SLC22A9: variants seen among roughly 807,000 people sequenced by gnomAD.
The protein encoded by SLC22A9 is organic anion transporter 7.
Under a neutral mutation model 50.1 loss-of-function variants are expected in SLC22A9, and 64 were observed. The ratio of observed to expected loss-of-function variants is 1.28; its 90% confidence interval spans 1.04 to 1.57. The LOEUF is 1.57. SLC22A9 is among the 40% of genes most tolerant of loss of function. The pLI, the probability that SLC22A9 is intolerant of heterozygous loss-of-function variation, is 0.00. For missense variants in SLC22A9, 757 were observed against 676.1 expected (o/e 1.12, Z -1.33); for synonymous variants, 261 against 242.5 (o/e 1.08, Z -0.71).
intron 6 of SLC22A9, among the ~76,000 whole-genome samples, chr11:63,383,109 T>G (rs2014595464): frequency 6.6e-6 from 1 of 152,076 alleles, no homozygotes; most frequent in Non-Finnish European, 1.5e-5. Flanking sequence ...GAATAGAAGG[T>G]GAGCACAAAG....
chr11:63,385,623 T>C (rs990730948), intron 6 of SLC22A9, among the ~76,000 whole-genome samples: 9 of 152,142 alleles, frequency 5.9e-5, no homozygotes, highest in Non-Finnish European at 4.4e-5. Flanking sequence ...GAAATGCTTG[T>C]GATTTCTGCA....
rs916267068 is a variant in SLC22A9 at position 63,371,151 on chromosome 11, A to G, written c.419A>G (p.Asp140Gly). The change falls in exon 2 of 10, where the codon GAC (aspartate) becomes GGC (glycine). Residue 140 changes from aspartate (D) to glycine (G), a missense_variant. Physicochemically the swap from Asp to Gly is moderately conservative, Grantham distance 94. Coordinates refer to ENST00000279178, the MANE Select transcript of SLC22A9 (RefSeq NM_080866.3). Reference protein sequence around the residue: ...TIVTEWDLVCDSQSLTSVAKF... With the variant: ...TIVTEWDLVCGSQSLTSVAKF... ...CTCTTCCAGTGGGATCTGGTATGTG[A>G]CTCTCAATCACTGACTTCAGTGGCT... The G allele has an allele frequency of 3.7e-6, 6 of 1,612,782 alleles. No individual in the cohort carries two copies. Among genetic ancestry groups the G allele is most frequent in the Non-Finnish European group, 5.1e-6 (6 of 1,179,226 alleles).
chr11:63,372,306 T>C (rs147109641), intron 2 of SLC22A9, among the ~76,000 whole-genome samples: 4 of 140,824 alleles, frequency 2.8e-5, no homozygotes, highest in Admixed American at 2.2e-4. Flanking sequence ...CTCAACTGTT[T>C]ATGATATCTT....
At chr11:63,385,941 G>A (rs11823459) in intron 6 of SLC22A9, among the ~76,000 whole-genome samples, 2,101 of 152,116 alleles carry the variant, frequency 0.014, 57 homozygotes, top group African/African-American at 0.047. Context: ...TGTCATAAAT[G>A]GCTCTTATAA....
chr11:63,379,658 C>A (rs2014525713), intron 5 of SLC22A9, among the ~76,000 whole-genome samples: 1 of 152,190 alleles, frequency 6.6e-6, no homozygotes, highest in Non-Finnish European at 1.5e-5. Flanking sequence ...CTATAAGGCA[C>A]ATGAACAAAT....
At chr11:63,391,149 A>T (rs1377569962) in intron 6 of SLC22A9, among the ~76,000 whole-genome samples, 1 of 151,784 alleles carries the variant, frequency 6.6e-6, no homozygotes, top group Non-Finnish European at 1.5e-5. Context: ...CTTGTTATTG[A>T]TTTCTAGTTG....
At chr11:63,381,959 T>C (rs2014570464) in intron 5 of SLC22A9, among the ~76,000 whole-genome samples, 200 bp from the exon 6 acceptor site, 1 of 152,154 alleles carries the variant, frequency 6.6e-6, no homozygotes, top group African/African-American at 2.4e-5. Flanking sequence ...CCTTGAAACA[T>C]AATTTCCTGG....
chr11:63,400,834 C>T (rs2014940229), intron 6 of SLC22A9, among the ~76,000 whole-genome samples: 1 of 152,084 alleles, frequency 6.6e-6, no homozygotes, highest in Non-Finnish European at 1.5e-5. Context: ...CCCAAGGATG[C>T]AAGAATGGTT....
At chr11:63,395,706 G>C (rs1276702323) in intron 6 of SLC22A9, among the ~76,000 whole-genome samples, 1 of 152,148 alleles carries the variant, frequency 6.6e-6, no homozygotes, top group Non-Finnish European at 1.5e-5. Flanking sequence ...CCTGGCTGGG[G>C]GTGGCACTTT....
In SLC22A9 at chr11:63,395,582, C is replaced by G. The variant is rs568167830; in HGVS notation, c.1074-10915C>G. Among the ~76,000 whole-genome samples the G allele has an allele frequency of 6.6e-5, 10 of 152,260 alleles. No homozygotes were observed. In the South Asian group the frequency reaches 1.9e-3, roughly 28 times the overall value. On this transcript the variant is annotated intron_variant, in intron 6 of 9. Coordinates refer to ENST00000279178, the MANE Select transcript of SLC22A9 (RefSeq NM_080866.3). ...TGTGATTTGAACTGTCTATTGGTCT[C>G]TCGGCCATGGATACCAGCACCTGTT...
chr11:63,382,078 A>G, intron 5 of SLC22A9, 81 bp from the exon 6 acceptor site: 1 of 929,872 alleles, frequency 1.1e-6, no homozygotes. Context: ...CTCACTTCTC[A>G]TCTGTGGGTT....
Position 63,406,581 on chromosome 11 carries a change from T to C in SLC22A9, c.1158T>C (p.Phe386=). The C allele has an allele frequency of 6.2e-7, 1 of 1,613,890 alleles. No individual in the cohort carries two copies. Among genetic ancestry groups the C allele is most frequent in the Non-Finnish European group, 8.5e-7 (1 of 1,179,842 alleles). ...GNNVFLLQTL[F]GAVILLANCV... is the part of the protein sequence containing the mutation. ...ATGTTTTCCTGTTGCAGACTCTCTT[T>C]GGTGCAGTCATCCTCCTGGCCAACT... The change falls in exon 7 of 10, where the codon TTT becomes TTC. Residue 386 remains phenylalanine, a synonymous_variant. Coordinates refer to ENST00000279178, the MANE Select transcript of SLC22A9 (RefSeq NM_080866.3).
chr11:63,401,491 TAGAA>T (rs1017795380), intron 6 of SLC22A9, among the ~76,000 whole-genome samples: 6 of 152,010 alleles, frequency 3.9e-5, no homozygotes, highest in African/African-American at 1.4e-4. Flanking sequence ...ATACAAAAAA[TAGAA>T]AGACATCCCA....
At chr11:63,383,786 C>G (rs537311774) in intron 6 of SLC22A9, among the ~76,000 whole-genome samples, 19 of 152,300 alleles carry the variant, frequency 1.2e-4, no homozygotes, top group African/African-American at 3.6e-4. Context: ...CGCAGTGGCT[C>G]TCACCTGTAA....
chr11:63,392,201 TA>T (rs2014776095), intron 6 of SLC22A9, among the ~76,000 whole-genome samples: 1 of 152,098 alleles, frequency 6.6e-6, no homozygotes, highest in African/African-American at 2.4e-5. Flanking sequence ...CATTATTTTT[TA>T]TTGTTTCATC....
At chr11:63,400,140 G>A (rs1269308834) in intron 6 of SLC22A9, among the ~76,000 whole-genome samples, 1 of 151,824 alleles carries the variant, frequency 6.6e-6, no homozygotes, top group Non-Finnish European at 1.5e-5. Flanking sequence ...AACAACAAAT[G>A]AAACCCAAAA....
rs541663348 is a variant in SLC22A9 at position 63,410,253 on chromosome 11, A to AGAAGGAAAG, written c.*391_*392insGAAGGAAAG. 9.8e-5 allele frequency: 8 copies of AGAAGGAAAG among 81,378 alleles called. No homozygotes were observed. The highest frequency in any genetic ancestry group is 4.5e-4 in the South Asian group (1 of 2,198). 5.0% of individuals were successfully genotyped at this position (81,378 alleles called of 1,614,324 possible). A position where few individuals can be genotyped will look rare whatever the true frequency, so the allele number is the denominator to read the frequency against. ...GAGACTGTCTCAAAAAAAAAAAAAA[A>AGAAGGAAAG]AAAAAAAGAAAGAAGGAAAGAAAGA... On this transcript the variant is annotated 3_prime_UTR_variant, in exon 10 of 10. Coordinates refer to ENST00000279178, the MANE Select transcript of SLC22A9 (RefSeq NM_080866.3).
At chr11:63,375,148 G>A (rs561352229) in intron 4 of SLC22A9, among the ~76,000 whole-genome samples, 1 of 152,272 alleles carries the variant, frequency 6.6e-6, no homozygotes, top group African/African-American at 2.4e-5. Flanking sequence ...CCATTACATA[G>A]ATGAGAACAC....
At chr11:63,385,945 C>T (rs111858293) in intron 6 of SLC22A9, among the ~76,000 whole-genome samples, 5,174 of 152,134 alleles carry the variant, frequency 0.034, 125 homozygotes, top group Non-Finnish European at 0.056. Flanking sequence ...ATAAATGGCT[C>T]TTATAATTTT....
Sources: gnomAD v4.1 joint callset for allele counts (sites outside exome capture counted in the v4.1 genomes callset) on GRCh38, gnomAD v4.1.1 for gene constraint, MANE v1.5 for transcripts, NCBI Gene and HGNC (gene_info 2026-07-23, HGNC 2026-07-21) for gene names.